SAMD12: variants seen among roughly 807,000 people sequenced by gnomAD.
SAMD12 encodes sterile alpha motif domain-containing protein 12.
In SAMD12, 9 loss-of-function variants were observed where a neutral mutation model predicts 15.0. The observed-to-expected ratio is 0.60, with a 90% CI of 0.36 to 1.05. The LOEUF (loss-of-function observed/expected upper bound fraction) is 1.05, where lower values mean the gene tolerates loss of function less well. SAMD12 is among the 50% of genes least tolerant of loss of function. The pLI, the probability that SAMD12 is intolerant of heterozygous loss-of-function variation, is 0.01. For missense variants in SAMD12, 230 were observed against 234.2 expected (o/e 0.98, Z 0.12); for synonymous variants, 86 against 90.1 (o/e 0.96, Z 0.25).
intron 2 of SAMD12, among the ~76,000 whole-genome samples, chr8:118,544,607 T>C (rs1212233742): frequency 6.6e-6 from 1 of 152,170 alleles, no homozygotes; most frequent in Non-Finnish European, 1.5e-5. Flanking sequence ...GAAACTAAAG[T>C]ACTTGATAGA....
intron 3 of SAMD12, among the ~76,000 whole-genome samples, chr8:118,382,595 G>A (rs1288537717): frequency 6.6e-6 from 1 of 152,220 alleles, no homozygotes; most frequent in African/African-American, 2.4e-5. Flanking sequence ...TTCCGACTGT[G>A]TGATACAATC....
intron 3 of SAMD12, among the ~76,000 whole-genome samples, chr8:118,391,041 G>A (rs966069431): frequency 3.3e-5 from 5 of 151,956 alleles, no homozygotes; most frequent in South Asian, 2.1e-4. Context: ...TTAGCTCTCC[G>A]AGAAGGAATA....
chr8:118,379,637 A>T lies in SAMD12; in HGVS notation c.386T>A (p.Leu129His), dbSNP rs1172114976. 1.2e-6 allele frequency: 2 copies of T among 1,613,768 alleles called. No homozygotes were observed. The highest frequency in any genetic ancestry group is 1.7e-6 in the Non-Finnish European group (2 of 1,179,864). The stretch of plus-strand genomic sequence containing the variant: ...CACCTGTTGTAAGATGTGCTGCCGG[A>T]GGTTCTCCTGGGCAATCCCCATTCG... ...LERMGIAQEN[L>H]RQHILQQVLQ... The change falls in exon 4 of 4, where the codon CTC (leucine) becomes CAC (histidine). Residue 129 changes from leucine (L) to histidine (H), a missense_variant. Transcript: ENST00000314727.
At chr8:118,617,062 A>C (rs900445287) in intron 1 of SAMD12, among the ~76,000 whole-genome samples, 3 of 152,244 alleles carry the variant, frequency 2.0e-5, no homozygotes, top group African/African-American at 4.8e-5. Context: ...AGGCATCCCT[A>C]TGACGGGTAA....
At chr8:118,535,732 T>C (rs1825820471) in intron 2 of SAMD12, among the ~76,000 whole-genome samples, 1 of 152,232 alleles carries the variant, frequency 6.6e-6, no homozygotes, top group South Asian at 2.1e-4. Context: ...TCCATGAGCA[T>C]GGGACCCTCT....
At chr8:118,440,612 C>CT (rs35211953) in intron 2 of SAMD12, among the ~76,000 whole-genome samples, 66,377 of 148,140 alleles carry the variant, frequency 0.45, 17,132 homozygotes, top group South Asian at 0.59. Flanking sequence ...TAGTCAAGGT[C>CT]TTTTTTTTGT....
At chr8:118,566,354 G>A (rs144855855) in intron 2 of SAMD12, among the ~76,000 whole-genome samples, 52 of 151,918 alleles carry the variant, frequency 3.4e-4, no homozygotes, top group African/African-American at 6.5e-4. Flanking sequence ...CTTTATTTTC[G>A]ATCGCAGTTT....
intron 3 of SAMD12, among the ~76,000 whole-genome samples, chr8:118,391,940 T>TAAA (rs869057300): frequency 2.1e-5 from 3 of 141,264 alleles, no homozygotes; most frequent in South Asian, 2.3e-4. Flanking sequence ...AAGTTCTGGT[T>TAAA]AAAAAAAAAA....
chr8:118,535,790 A>C (rs1185175359), intron 2 of SAMD12, among the ~76,000 whole-genome samples: 1 of 152,196 alleles, frequency 6.6e-6, no homozygotes, highest in East Asian at 1.9e-4. Flanking sequence ...TGCTAAGACC[A>C]TTGGAAAAGC....
At chr8:118,441,423 C>T (rs561238167) in intron 2 of SAMD12, among the ~76,000 whole-genome samples, 52 of 148,088 alleles carry the variant, frequency 3.5e-4, no homozygotes, top group Non-Finnish European at 5.3e-4. Context: ...AATACGGAAG[C>T]GATTCAAGGT....
intron 4 of SAMD12, among the ~76,000 whole-genome samples, chr8:118,240,866 T>A (rs1158257640): frequency 6.6e-6 from 1 of 152,132 alleles, no homozygotes; most frequent in Non-Finnish European, 1.5e-5. Flanking sequence ...AGCAGTTGAC[T>A]GAGCTTTTTT....
At chr8:118,416,157 A>G (rs565089411) in intron 3 of SAMD12, among the ~76,000 whole-genome samples, 1 of 152,320 alleles carries the variant, frequency 6.6e-6, no homozygotes. Flanking sequence ...TCAAGGAGGC[A>G]TCTTGCAGTA....
chr8:118,303,361 A>C (rs897345666), intron 4 of SAMD12, among the ~76,000 whole-genome samples: 1 of 152,218 alleles, frequency 6.6e-6, no homozygotes, highest in Non-Finnish European at 1.5e-5. Context: ...AAACAAGAAC[A>C]ACAACTGTAC....
In SAMD12 at chr8:118,579,557, G is replaced by C. The variant is rs1827232611; in HGVS notation, c.192+1158C>G. On this transcript the variant is annotated intron_variant, in intron 2 of 3. Coordinates refer to ENST00000314727, the MANE Select transcript of SAMD12 (RefSeq NM_207506.3). ...TTTTAATTATCCACACTAAAGAAGA[G>C]AAGCAATAACAGTAATTATTCCAAA... is the stretch of plus-strand genomic sequence containing the variant. Among the ~76,000 whole-genome samples, 11 of 152,190 alleles carry C rather than the reference G, an allele frequency of 7.2e-5. No individual in the cohort carries two copies. In the South Asian group the frequency reaches 2.3e-3, roughly 32 times the overall value.
rs577726088 is a variant in SAMD12, at chr8:118,462,665, C to T, written c.193-22704G>A. ...CAAGGAAGCAAGCAAGCGAACCTGA[C>T]ACCACAGCTGAAAGTAAGGATGAGA... On this transcript the variant is annotated intron_variant, in intron 2 of 3. Coordinates refer to ENST00000314727, the MANE Select transcript of SAMD12 (RefSeq NM_207506.3). 8.3e-4 allele frequency among the ~76,000 whole-genome samples: 127 copies of T among 152,252 alleles called. 2 individuals are homozygous for T. The highest frequency in any genetic ancestry group is 2.9e-3 in the African/African-American group (122 of 41,556).
exon 5 of SAMD12, chr8:118,191,805 TATATATAG>T (rs1819403622): frequency 4.5e-5 from 1 of 22,210 alleles, no homozygotes; most frequent in Non-Finnish European, 9.8e-5. Context: ...TATATATATA[TATATATAG>T]AGAGAGAGAG....
At chr8:118,312,184 C>T (rs1038265026) in intron 4 of SAMD12, among the ~76,000 whole-genome samples, 1 of 152,204 alleles carries the variant, frequency 6.6e-6, no homozygotes, top group African/African-American at 2.4e-5. Context: ...CCTACACACC[C>T]TGCAGTGCTC....
intron 1 of SAMD12, among the ~76,000 whole-genome samples, chr8:118,617,999 G>A (rs539501897): frequency 6.6e-6 from 1 of 150,796 alleles, no homozygotes; most frequent in East Asian, 2.0e-4. Flanking sequence ...CCCCAGTCCT[G>A]CTAAATTATT....
At chr8:118,539,838 G>A (rs1219275321) in intron 2 of SAMD12, among the ~76,000 whole-genome samples, 2 of 152,020 alleles carry the variant, frequency 1.3e-5, no homozygotes, top group Non-Finnish European at 2.9e-5. Flanking sequence ...GGATGAAAAG[G>A]GAAAAAAGAT....
Sources: allele counts gnomAD v4.1 joint callset (sites outside exome capture counted in the v4.1 genomes callset), GRCh38; gene constraint gnomAD v4.1.1; transcripts MANE v1.5; gene names NCBI Gene and HGNC (gene_info 2026-07-23, HGNC 2026-07-21).